RELB: variants seen among roughly 807,000 people sequenced by gnomAD.
The protein encoded by RELB is RELB proto-oncogene, NF-kB subunit, also known as transcription factor RelB.
A neutral mutation model predicts 55.4 loss-of-function variants in RELB; 14 were observed. The observed-to-expected ratio is 0.25, with a 90% CI of 0.17 to 0.40. The LOEUF (loss-of-function observed/expected upper bound fraction) is 0.40, where lower values mean the gene tolerates loss of function less well. RELB is among the 10% of genes least tolerant of loss of function. The pLI is 1.00. For synonymous variants in RELB, 409 were observed against 371.3 expected (o/e 1.10, Z -1.17); for missense variants, 669 against 830.7 (o/e 0.81, Z 2.39).
chr19:45,005,474 G>A (rs1370380913), intron 2 of RELB, among the ~76,000 whole-genome samples: 1 of 152,136 alleles, frequency 6.6e-6, no homozygotes, highest in African/African-American at 2.4e-5. Flanking sequence ...ATATAATCTT[G>A]GGATGGACCC....
At chr19:45,019,675 T>A (rs1019981146) in intron 4 of RELB, among the ~76,000 whole-genome samples, 6 of 152,112 alleles carry the variant, frequency 3.9e-5, no homozygotes, top group African/African-American at 1.2e-4. Flanking sequence ...ATTTATGTAT[T>A]TATGTATTTA....
intron 2 of RELB, among the ~76,000 whole-genome samples, chr19:45,004,256 C>G (rs1174458545): frequency 2.2e-5 from 3 of 133,914 alleles, no homozygotes; most frequent in African/African-American, 8.5e-5. Context: ...GAGTTTCATT[C>G]CTGTTGCCCA....
intron 3 of RELB, among the ~76,000 whole-genome samples, chr19:45,010,159 C>T (rs874744): frequency 0.084 from 12,718 of 151,038 alleles, 999 homozygotes; most frequent in African/African-American, 0.21. Flanking sequence ...AAAAATTAGC[C>T]GGGCATGGTG....
chr19:45,016,502 G>A lies in RELB; in HGVS notation c.504+4226G>A, dbSNP rs1302946035. Reference sequence around the variant, plus strand: ...AGACTTAGTGACTTATATGTCACACGTGCAGGGTTGCGGTTGGTGAGGGGA... The same window carrying A: ...AGACTTAGTGACTTATATGTCACACATGCAGGGTTGCGGTTGGTGAGGGGA... On this transcript the variant is annotated intron_variant, in intron 4 of 11. Transcript: ENST00000221452. Among the ~76,000 whole-genome samples the A allele has an allele frequency of 2.0e-5, 3 of 152,082 alleles. 1 individual carries two copies. The highest frequency in any genetic ancestry group is 4.4e-5 in the Non-Finnish European group (3 of 68,020).
chr19:45,018,096 A>T (rs897319200), intron 4 of RELB, among the ~76,000 whole-genome samples: 1 of 151,422 alleles, frequency 6.6e-6, no homozygotes, highest in East Asian at 2.0e-4. Flanking sequence ...GAGAAACCCC[A>T]TCTATACTAA....
At chr19:45,006,027 G>T (rs201356594) in intron 2 of RELB, among the ~76,000 whole-genome samples, 1 of 152,230 alleles carries the variant, frequency 6.6e-6, no homozygotes, top group East Asian at 1.9e-4. Context: ...GTGCCGAGCA[G>T]TGCTGAGGAC....
intron 8 of RELB, among the ~76,000 whole-genome samples, chr19:45,030,639 G>T (rs1182857683): frequency 6.6e-6 from 1 of 151,070 alleles, no homozygotes. Flanking sequence ...CTCAAAAAAT[G>T]AAATAAAATA....
At position 45,027,276 on chromosome 19, in the gene RELB, G is replaced by GA. The variant is rs1268334350; in HGVS notation, c.886+1545dup. On this transcript the variant is annotated intron_variant, in intron 7 of 11. Coordinates refer to ENST00000221452, the MANE Select transcript of RELB (RefSeq NM_006509.4). ...TCCTTACTTAAATAGGCTTAAGGGG[G>GA]AAAAAAGAGAATAAGTTATTCTATT... 5.9e-5 allele frequency among the ~76,000 whole-genome samples: 9 copies of GA among 151,882 alleles called. No homozygotes were observed. In the Admixed American group the frequency reaches 5.9e-4, roughly 10 times the overall value.
intron 8 of RELB, among the ~76,000 whole-genome samples, chr19:45,031,492 T>A (rs61584079): frequency 0.012 from 1,808 of 152,262 alleles, 44 homozygotes; most frequent in African/African-American, 0.041. Context: ...GCTGTGAGTA[T>A]GACTGTATGC....
intron 4 of RELB, chr19:45,021,847 T>C (rs1971492571): frequency 2.1e-6 from 1 of 481,042 alleles, no homozygotes; most frequent in Non-Finnish European, 3.7e-6. Context: ...CGTGCTGGGA[T>C]TGCAGGCGTG....
At chr19:45,004,728 G>A (rs1368358746) in intron 2 of RELB, among the ~76,000 whole-genome samples, 1 of 151,924 alleles carries the variant, frequency 6.6e-6, no homozygotes, top group African/African-American at 2.4e-5. Flanking sequence ...TTAGCTGGGC[G>A]TGGTGGCGCA....
chr19:45,012,379 G>T, intron 4 of RELB, 103 bp downstream of exon 4: 1 of 677,518 alleles, frequency 1.5e-6, no homozygotes, highest in African/African-American at 1.9e-5. Context: ...GGCTGTTGTT[G>T]TTATTGTTGG....
At chr19:45,007,823 G>A (rs969365940) in intron 2 of RELB, among the ~76,000 whole-genome samples, 12 of 144,822 alleles carry the variant, frequency 8.3e-5, no homozygotes, top group Admixed American at 4.9e-4. Context: ...GCACCACACT[G>A]TACTCCAGCC....
chr19:45,003,915 GTTTTTTTT>G (rs1039624578), intron 2 of RELB, among the ~76,000 whole-genome samples: 5 of 63,574 alleles, frequency 7.9e-5, no homozygotes, highest in South Asian at 7.6e-4. Flanking sequence ...TGTTTTTTGT[GTTTTTTTT>G]TTTTTTTTTT....
rs763823095 is a variant in RELB, at chr19:45,037,421, G to A, written c.1371G>A (p.Pro457=). ...TCCCCGTAGGCCCGTTCCTCCCGCC[G>A]TCAGCCCTGCTGCCAGACCCTGACT... ...PNHGSGPFLP[P]SALLPDPDFF... The change falls in exon 12 of 12, where the codon CCG becomes CCA. Residue 457 remains proline (P), a synonymous_variant. Transcript: ENST00000221452. 6 of 1,583,140 alleles carry A rather than the reference G, an allele frequency of 3.8e-6. No individual in the cohort carries two copies. The highest frequency in any genetic ancestry group is 2.7e-5 in the African/African-American group (2 of 74,020).
chr19:45,007,990 G>A lies in RELB; in HGVS notation c.155-1824G>A, dbSNP rs867108467. Among the ~76,000 whole-genome samples, 264 of 108,482 alleles carry A rather than the reference G, an allele frequency of 2.4e-3. 1 individual carries two copies. Among genetic ancestry groups the A allele is most frequent in the African/African-American group, 8.8e-3 (245 of 27,874 alleles). The allele number at this position is 108,482 out of a possible 152,430, so 71.2% of individuals were successfully genotyped here. On this transcript the variant is annotated intron_variant, in intron 2 of 11. Coordinates refer to ENST00000221452, the MANE Select transcript of RELB (RefSeq NM_006509.4). Reference sequence around the variant, plus strand: ...ACTAACATAGTAAAACCCCGTCTCTGCTAAAAATACAAAAAAAAAAAAAAA... The same window carrying A: ...ACTAACATAGTAAAACCCCGTCTCTACTAAAAATACAAAAAAAAAAAAAAA...
chr19:45,034,334 C>A (rs1971661636), intron 10 of RELB, 22 bp downstream of exon 10: 1 of 1,611,266 alleles, frequency 6.2e-7, no homozygotes, highest in South Asian at 1.1e-5. Context: ...CTGCCCCTTT[C>A]CACCCCCATC....
rs1464112686 is a variant in RELB at position 45,011,931 on chromosome 19, C to G, written c.164-5C>G. 1.3e-5 allele frequency: 19 copies of G among 1,505,762 alleles called. No individual in the cohort carries two copies. Among genetic ancestry groups the G allele is most frequent in the Non-Finnish European group, 1.7e-5 (19 of 1,131,954 alleles). 93.3% of individuals were successfully genotyped at this position (1,505,762 alleles called of 1,614,324 possible). On this transcript the variant is annotated splice_polypyrimidine_tract_variant and splice_region_variant and intron_variant, in intron 3 of 11. Coordinates refer to ENST00000221452, the MANE Select transcript of RELB (RefSeq NM_006509.4). Reference sequence around the variant, plus strand: ...CGTCACCACCCGTTTTTTCTTCTCCCGCAGAGATCATCGACGAGTACATCA... The same window carrying G: ...CGTCACCACCCGTTTTTTCTTCTCCGGCAGAGATCATCGACGAGTACATCA...
At chr19:45,033,927 G>A (rs1380182661) in intron 9 of RELB, among the ~76,000 whole-genome samples, 1 of 151,772 alleles carries the variant, frequency 6.6e-6, no homozygotes, top group Non-Finnish European at 1.5e-5. Context: ...GGCCAAGGCA[G>A]GCAGATCACT....
Sources: allele counts gnomAD v4.1 joint callset (sites outside exome capture counted in the v4.1 genomes callset), GRCh38; gene constraint gnomAD v4.1.1; transcripts MANE v1.5; gene names NCBI Gene and HGNC (gene_info 2026-07-23, HGNC 2026-07-21).